KCNMA1: variants seen among roughly 807,000 people sequenced by gnomAD.
KCNMA1 encodes potassium calcium-activated channel subfamily M alpha 1.
In KCNMA1, 29 loss-of-function variants were observed where a neutral mutation model predicts 140.0. The observed-to-expected ratio is 0.21, with a 90% CI of 0.15 to 0.28. KCNMA1 has a LOEUF of 0.28. KCNMA1 is among the 10% of genes least tolerant of loss of function. The pLI is 1.00. For synonymous variants in KCNMA1, 612 were observed against 611.9 expected (o/e 1.00, Z 0.00); for missense variants, 880 against 1,602.2 (o/e 0.55, Z 7.70).
intron 2 of KCNMA1, among the ~76,000 whole-genome samples, chr10:77,251,951 C>G (rs1399206403): frequency 6.6e-6 from 1 of 152,156 alleles, no homozygotes; most frequent in Non-Finnish European, 1.5e-5. Context: ...TGTGGACATA[C>G]ATAAAGATAT....
chr10:76,949,561 T>C (rs868376506), intron 21 of KCNMA1, 195 bp from the exon 22 acceptor site: 7 of 613,362 alleles, frequency 1.1e-5, no homozygotes, highest in Middle Eastern at 4.4e-4. Flanking sequence ...ATGTATTATA[T>C]TTTTGTAATA....
rs189922717 is a variant in KCNMA1 at position 77,508,306 on chromosome 10, C to T, written c.379-104283G>A. 1.3e-3 allele frequency among the ~76,000 whole-genome samples: 197 copies of T among 151,364 alleles called. 1 individual carries two copies. Among genetic ancestry groups the T allele is most frequent in the Middle Eastern group, 0.01 (3 of 292 alleles). ...CCTCCCACCTCAACCTCCTAAGTAGCTGGGACTACAGATACGCATCACCAT... is the reference window on the plus strand; with the variant it reads ...CCTCCCACCTCAACCTCCTAAGTAGTTGGGACTACAGATACGCATCACCAT... On this transcript the variant is annotated intron_variant, in intron 1 of 27. Transcript: ENST00000286628.
intron 5 of KCNMA1, among the ~76,000 whole-genome samples, chr10:77,183,104 A>C (rs1358144000): frequency 6.6e-6 from 1 of 152,116 alleles, no homozygotes; most frequent in Non-Finnish European, 1.5e-5. Context: ...GGGCTTCTTA[A>C]TCCAGTCCTG....
At chr10:77,222,218 G>A (rs937319932) in intron 3 of KCNMA1, among the ~76,000 whole-genome samples, 2 of 152,180 alleles carry the variant, frequency 1.3e-5, no homozygotes, top group African/African-American at 4.8e-5. Flanking sequence ...GTACTACAAA[G>A]ACAATCAGAT....
Position 77,101,801 on chromosome 10 carries a change from A to C in KCNMA1, c.1223+6680T>G, listed in dbSNP as rs150068338. 1.5e-3 allele frequency among the ~76,000 whole-genome samples: 233 copies of C among 152,348 alleles called. 2 individuals carry two copies. Among genetic ancestry groups the C allele is most frequent in the African/African-American group, 5.1e-3 (212 of 41,576 alleles). On this transcript the variant is annotated intron_variant, in intron 9 of 27. Coordinates refer to ENST00000286628, the MANE Select transcript of KCNMA1 (RefSeq NM_001161352.2). ...CCCTTGCAGGCGAGGAAAAGTGAGA[A>C]TAGCTGTTGCCCAAGACACAAGTAA...
chr10:76,993,969 C>A (rs1383637912), intron 19 of KCNMA1, among the ~76,000 whole-genome samples: 1 of 152,238 alleles, frequency 6.6e-6, no homozygotes, highest in African/African-American at 2.4e-5. Flanking sequence ...AGAATCCTCA[C>A]TTTTTTCTCC....
At chr10:77,418,371 T>C (rs947703511) in intron 1 of KCNMA1, among the ~76,000 whole-genome samples, 7 of 152,164 alleles carry the variant, frequency 4.6e-5, no homozygotes, top group African/African-American at 1.7e-4. Context: ...GAGAACCTTC[T>C]TTCTCAAGTA....
rs550513664 is a variant in KCNMA1 at position 77,381,931 on chromosome 10, A to G, written c.540+21931T>C. ...CACATGAGTACTCATAACAGGCTTG[A>G]CGTCAATTAAATCATACTGGCCCTG... On this transcript the variant is annotated intron_variant, in intron 2 of 27. Transcript: ENST00000286628. Among the ~76,000 whole-genome samples, 164 of 152,288 alleles carry G rather than the reference A, an allele frequency of 1.1e-3. 1 individual carries two copies. Among genetic ancestry groups the G allele is most frequent in the African/African-American group, 3.8e-3 (157 of 41,568 alleles).
downstream of KCNMA1, chr10:76,874,747 C>T (rs1291083804): frequency 6.6e-6 from 1 of 152,190 alleles, no homozygotes; most frequent in Non-Finnish European, 1.5e-5. Context: ...TCCAACGTGC[C>T]TTAGTCACAA....
At chr10:77,349,390 C>T (rs865936694) in intron 2 of KCNMA1, among the ~76,000 whole-genome samples, 2 of 152,166 alleles carry the variant, frequency 1.3e-5, no homozygotes, top group East Asian at 3.9e-4. Flanking sequence ...TGCTTATCAG[C>T]CCCCCAAGTT....
At chr10:77,574,334 T>C (rs746904416) in intron 1 of KCNMA1, among the ~76,000 whole-genome samples, 1 of 152,102 alleles carries the variant, frequency 6.6e-6, no homozygotes, top group Non-Finnish European at 1.5e-5. Context: ...AATACACATG[T>C]ATATACACAA....
rs202125089 is a variant in KCNMA1, at chr10:76,885,528, G to C, written c.*1738C>G. 1.0e-6 allele frequency: 1 copy of C among 985,086 alleles called. No homozygotes were observed. The highest frequency in any genetic ancestry group is 1.2e-6 in the Non-Finnish European group (1 of 829,846). 61.0% of individuals were successfully genotyped at this position (985,086 alleles called of 1,614,324 possible). The stretch of plus-strand genomic sequence containing the variant: ...CCAAAACTATCATGCTTGAGGGGAC[G>C]GGGGATCCAAAATCTAAATCCAAAA... On this transcript the variant is annotated 3_prime_UTR_variant, in exon 28 of 28. Transcript: ENST00000286628.
intron 15 of KCNMA1, among the ~76,000 whole-genome samples, chr10:77,030,830 C>G (rs1196517262): frequency 6.6e-6 from 1 of 152,192 alleles, no homozygotes; most frequent in South Asian, 2.1e-4. Context: ...CATTCAAATC[C>G]ATACCCAAGC....
chr10:77,324,973 G>GTGTGTA (rs1565985314), intron 2 of KCNMA1, among the ~76,000 whole-genome samples: 4 of 87,582 alleles, frequency 4.6e-5, no homozygotes, highest in Non-Finnish European at 2.3e-5. Context: ...CTCTCTCTCT[G>GTGTGTA]TGTGTGTGTG....
chr10:77,594,108 C>T (rs75993111), intron 1 of KCNMA1, among the ~76,000 whole-genome samples: 128 of 152,176 alleles, frequency 8.4e-4, no homozygotes, highest in African/African-American at 2.7e-3. Flanking sequence ...AATTTTTCAA[C>T]GCTAGTGTCC....
At chr10:77,105,069 A>C (rs988676941) in intron 9 of KCNMA1, among the ~76,000 whole-genome samples, 2 of 152,198 alleles carry the variant, frequency 1.3e-5, no homozygotes, top group Non-Finnish European at 2.9e-5. Flanking sequence ...CTACTCACTG[A>C]ACCCTTGGTT....
chr10:77,037,349 G>T (rs1205628822), intron 15 of KCNMA1, among the ~76,000 whole-genome samples: 1 of 152,200 alleles, frequency 6.6e-6, no homozygotes, highest in Non-Finnish European at 1.5e-5. Context: ...CTGAGGAAAT[G>T]CAGGTCTTGC....
In KCNMA1 at chr10:77,001,390, G is replaced by A. The variant is rs766896656; in HGVS notation, c.2266+17C>T. 6 of 1,548,916 alleles carry A rather than the reference G, an allele frequency of 3.9e-6. No homozygotes were observed. Among genetic ancestry groups the A allele is most frequent in the Non-Finnish European group, 5.2e-6 (6 of 1,144,590 alleles). ...ACAGCACAAACATGGAACTACGTGT[G>A]TTGAGGTTAAACTTACAGGCACGGA... On this transcript the variant is annotated intron_variant, in intron 19 of 27. Coordinates refer to ENST00000286628, the MANE Select transcript of KCNMA1 (RefSeq NM_001161352.2).
intron 20 of KCNMA1, among the ~76,000 whole-genome samples, chr10:76,958,055 A>G (rs553715219): frequency 7.2e-5 from 11 of 152,322 alleles, no homozygotes; most frequent in African/African-American, 2.6e-4. Flanking sequence ...TAAAGCTTCT[A>G]TTGCTAGAAG....
Sources: allele counts gnomAD v4.1 joint callset (sites outside exome capture counted in the v4.1 genomes callset), GRCh38; gene constraint gnomAD v4.1.1; transcripts MANE v1.5; gene names NCBI Gene and HGNC (gene_info 2026-07-23, HGNC 2026-07-21).